Variants in MAEA observed in about 807,000 individuals in gnomAD.
MAEA encodes macrophage erythroblast attacher, E3 ubiquitin ligase, also known as E3 ubiquitin-protein transferase MAEA.
Under a neutral mutation model 46.2 loss-of-function variants are expected in MAEA, and 22 were observed. The observed-to-expected ratio is 0.48, with a 90% confidence interval of 0.34 to 0.68. MAEA has a LOEUF of 0.68. MAEA is among the 30% of genes least tolerant of loss of function. MAEA has a pLI of 0.01. For synonymous variants in MAEA, 246 were observed against 222.6 expected, an observed-to-expected ratio of 1.11 and a Z score of -0.94; for missense variants, 393 against 558.1, an observed-to-expected ratio of 0.70 and a Z score of 2.98.
intron 3 of MAEA, among the ~76,000 whole-genome samples, chr4:1,317,492 G>T (rs1274562322): frequency 6.6e-6 from 1 of 151,752 alleles, no homozygotes; most frequent in Non-Finnish European, 1.5e-5. Context: ...GCCCTGGGTG[G>T]AGCGGCACCC....
intron 4 of MAEA, among the ~76,000 whole-genome samples, chr4:1,327,069 C>G (rs969660188): frequency 6.6e-6 from 1 of 152,226 alleles, no homozygotes; most frequent in Non-Finnish European, 1.5e-5. Context: ...CACCAGCCAG[C>G]AGCCCCACAT....
chr4:1,328,546 G>A lies in MAEA; in HGVS notation c.656+843G>A, dbSNP rs76586154. 633 of 1,067,834 alleles carry A rather than the reference G, an allele frequency of 5.9e-4. 2 individuals are homozygous for A. The African/African-American group carries it at 9.3e-3, about 16-fold the overall frequency. The allele number at this position is 1,067,834 out of a possible 1,614,324, so 66.1% of individuals were successfully genotyped here. A position where few individuals can be genotyped will look rare whatever the true frequency, so the allele number is the denominator to read the frequency against. ...TGGGCCTGGCTGGCCCTCAGCTCCCGGGCGAGTGCCCAGCAGGTGTGTTTG... is the reference window on the plus strand; with the variant it reads ...TGGGCCTGGCTGGCCCTCAGCTCCCAGGCGAGTGCCCAGCAGGTGTGTTTG... On this transcript the variant is annotated intron_variant, in intron 5 of 8. Transcript: ENST00000303400.
At chr4:1,326,495 C>T (rs2108976467) in intron 4 of MAEA, among the ~76,000 whole-genome samples, 1 of 152,330 alleles carries the variant, frequency 6.6e-6, no homozygotes, top group Admixed American at 6.5e-5. Context: ...CCCACCCCAG[C>T]CACAAGTCTC....
chr4:1,299,353 C>A (rs945189736), intron 1 of MAEA, among the ~76,000 whole-genome samples: 1 of 152,222 alleles, frequency 6.6e-6, no homozygotes, highest in Non-Finnish European at 1.5e-5. Context: ...CCGTCTGCCC[C>A]TCCACCCTGG....
At chr4:1,329,737 G>A in intron 5 of MAEA, 1 of 985,690 alleles carries the variant, frequency 1.0e-6, no homozygotes, top group African/African-American at 1.7e-5. Flanking sequence ...ACGTTTGTGG[G>A]GTGAGGGAGT....
intron 6 of MAEA, chr4:1,335,249 C>T: frequency 5.1e-6 from 5 of 985,506 alleles, no homozygotes; most frequent in Non-Finnish European, 6.0e-6. Flanking sequence ...AGAGTTTTTA[C>T]ACCTAATGCT....
chr4:1,297,759 C>T (rs1354003844), intron 1 of MAEA, among the ~76,000 whole-genome samples: 4 of 152,226 alleles, frequency 2.6e-5, no homozygotes, highest in Non-Finnish European at 4.4e-5. Context: ...GAACCAATTT[C>T]TCCCCCGTCT....
chr4:1,300,954 T>C (rs1458728855), intron 1 of MAEA, among the ~76,000 whole-genome samples: 1 of 152,192 alleles, frequency 6.6e-6, no homozygotes, highest in Non-Finnish European at 1.5e-5. Context: ...CCACCGTGAT[T>C]ACATGCCCCG....
At chr4:1,321,636 G>A (rs1182050152) in intron 3 of MAEA, among the ~76,000 whole-genome samples, 1 of 152,212 alleles carries the variant, frequency 6.6e-6, no homozygotes, top group Non-Finnish European at 1.5e-5. Flanking sequence ...CCTGGGCTAT[G>A]TGCAGGCGGA....
intron 3 of MAEA, among the ~76,000 whole-genome samples, chr4:1,319,192 T>C (rs1385369284): frequency 1.3e-5 from 2 of 151,462 alleles, no homozygotes; most frequent in Admixed American, 1.3e-4. Context: ...TCTCTACAAA[T>C]TTTTTTTCAA....
intron 3 of MAEA, among the ~76,000 whole-genome samples, chr4:1,321,065 A>C (rs1738020745): frequency 6.6e-6 from 1 of 152,152 alleles, no homozygotes; most frequent in African/African-American, 2.4e-5. Flanking sequence ...GCGCCACTGC[A>C]CTCCAGCCTG....
chr4:1,302,548 C>T (rs148865237), intron 1 of MAEA, among the ~76,000 whole-genome samples: 13,555 of 152,272 alleles, frequency 0.089, 1,277 homozygotes, highest in East Asian at 0.42. Flanking sequence ...GGCGCCATCT[C>T]GGCTCACTGC....
At chr4:1,298,716 C>T (rs1011979645) in intron 1 of MAEA, among the ~76,000 whole-genome samples, 1 of 152,122 alleles carries the variant, frequency 6.6e-6, no homozygotes, top group Non-Finnish European at 1.5e-5. Flanking sequence ...TTGCTGTGAG[C>T]ACCGCTGCCT....
rs1254123593 is a variant in MAEA at position 1,295,780 on chromosome 4, C to CATGCCTCTGCCCCCCTCACCT, written c.69+5798_69+5799insATGCCTCTGCCCCCCTCACCT. ...CACCCGTGCCTCTGCCCCCCTCACCCGCGCCTGTGCCCCCCTCCCCAGCGC... is the reference window on the plus strand; with the variant it reads ...CACCCGTGCCTCTGCCCCCCTCACCCATGCCTCTGCCCCCCTCACCTGCGCCTGTGCCCCCCTCCCCAGCGC... On this transcript the variant is annotated intron_variant, in intron 1 of 8. Coordinates refer to ENST00000303400, the MANE Select transcript of MAEA (RefSeq NM_001017405.3). Among the ~76,000 whole-genome samples the CATGCCTCTGCCCCCCTCACCT allele has an allele frequency of 1.8e-4, 16 of 87,252 alleles. 1 individual carries two copies. The highest frequency in any genetic ancestry group is 9.1e-4 in the African/African-American group (14 of 15,336). 57.2% of individuals were successfully genotyped at this position (87,252 alleles called of 152,430 possible).
intron 2 of MAEA, 148 bp downstream of exon 2, chr4:1,312,309 C>A: frequency 1.2e-6 from 1 of 819,252 alleles, no homozygotes; most frequent in Non-Finnish European, 1.9e-6. Context: ...CCTTCTGGGG[C>A]CACTGTCGGC....
At chr4:1,321,979 G>A (rs1738185714) in intron 3 of MAEA, among the ~76,000 whole-genome samples, 2 of 150,792 alleles carry the variant, frequency 1.3e-5, no homozygotes, top group African/African-American at 4.9e-5. Flanking sequence ...TTTGCTTACT[G>A]TTGATTTTGA....
intron 1 of MAEA, chr4:1,309,662 G>A (rs1283252676): frequency 1.3e-6 from 2 of 1,531,962 alleles, no homozygotes; most frequent in East Asian, 2.4e-5. Flanking sequence ...GACCCTGAGA[G>A]CCACTGGCAG....
At chr4:1,312,684 C>A (rs770312367) in intron 2 of MAEA, 36 of 159,116 alleles carry the variant, frequency 2.3e-4, no homozygotes, top group Non-Finnish European at 4.7e-4. Context: ...CCTGCCTTGG[C>A]CTCCCAAAGC....
chr4:1,315,430 G>T lies in MAEA; in HGVS notation c.286G>T (p.Ala96Ser). ...VESIQAEDES[A>S]KLCKRRIEHL... is the part of the protein sequence containing the mutation. The stretch of plus-strand genomic sequence containing the variant: ...ATCCATCCAGGCCGAGGACGAGAGC[G>T]CCAAGCTGTGCAAGCGCCGGATCGA... Residue 96 changes from alanine to serine, a missense_variant, in exon 3 of 9, where the codon GCC (alanine) becomes TCC (serine). By Grantham distance (99) the Ala-to-Ser change is moderately conservative. This residue lies in a region of MAEA where 358 missense variants were observed against 537.9 expected (regional missense o/e 0.67). Transcript: ENST00000303400. 6.2e-7 allele frequency: 1 copy of T among 1,613,874 alleles called. No homozygotes were observed. Among genetic ancestry groups the T allele is most frequent in the South Asian group, 1.1e-5 (1 of 91,070 alleles).
Sources: allele counts gnomAD v4.1 joint callset (sites outside exome capture counted in the v4.1 genomes callset), GRCh38; gene constraint gnomAD v4.1.1; regional missense constraint gnomAD v4.1.1; transcripts MANE v1.5; gene names NCBI Gene and HGNC (gene_info 2026-07-23, HGNC 2026-07-21).